The following CFAP54 variants were observed in gnomAD, a reference collection of about 807,000 sequenced individuals.
CFAP54 encodes the protein cilia- and flagella-associated protein 54.
A neutral mutation model predicts 370.4 loss-of-function variants in CFAP54; 290 were observed. The ratio of observed to expected loss-of-function variants is 0.78; its 90% CI spans 0.71 to 0.86. The LOEUF is 0.86. Ranked by LOEUF, CFAP54 falls within the 40% of genes least tolerant of loss-of-function variation. CFAP54 has a pLI of 0.00. For synonymous variants in CFAP54, 1,206 were observed against 1,236.5 expected (o/e 0.98, Z 0.52); for missense variants, 3,399 against 3,528.7 (o/e 0.96, Z 0.93).
chr12:96,773,548 AC>A (rs2087461526), intron 60 of CFAP54, among the ~76,000 whole-genome samples: 1 of 152,230 alleles, frequency 6.6e-6, no homozygotes, highest in African/African-American at 2.4e-5. Context: ...GAGTGAACCA[AC>A]CTGGTATATG....
At chr12:96,567,668 C>G (rs1203909811) in intron 19 of CFAP54, among the ~76,000 whole-genome samples, 1 of 152,090 alleles carries the variant, frequency 6.6e-6, no homozygotes, top group Non-Finnish European at 1.5e-5. Context: ...GGTCTTACTA[C>G]TAATCTTGGG....
intron 60 of CFAP54, among the ~76,000 whole-genome samples, chr12:96,766,811 T>C (rs1958405859): frequency 1.3e-5 from 2 of 152,214 alleles, no homozygotes. Context: ...GTTTTCCCAG[T>C]TTTTAGGGCA....
intron 67 of CFAP54, among the ~76,000 whole-genome samples, 165 bp downstream of exon 67, chr12:96,861,117 A>T (rs1959868733): frequency 6.6e-6 from 1 of 152,226 alleles, no homozygotes; most frequent in South Asian, 2.1e-4. Context: ...GAATTAAATG[A>T]CGGTGCTGCT....
Position 96,765,071 on chromosome 12 carries a change from T to C in CFAP54, c.8140-6T>C. On this transcript the variant is annotated splice_region_variant and splice_polypyrimidine_tract_variant and intron_variant, in intron 59 of 67. Coordinates refer to ENST00000524981, the MANE Select transcript of CFAP54 (RefSeq NM_001306084.2). Reference sequence around the variant, plus strand: ...TTTATAATTCTAATTTATGCATTAATTGTAGGTCAGTGAAGCTGTGCTGGC... The same window carrying C: ...TTTATAATTCTAATTTATGCATTAACTGTAGGTCAGTGAAGCTGTGCTGGC... 7.0e-7 allele frequency: 1 copy of C among 1,426,234 alleles called. No homozygotes were observed. The highest frequency in any genetic ancestry group is 9.4e-7 in the Non-Finnish European group (1 of 1,069,328). The allele number at this position is 1,426,234 out of a possible 1,614,324, so 88.3% of individuals were successfully genotyped here.
At chr12:96,714,820 G>T (rs928896572) in intron 48 of CFAP54, among the ~76,000 whole-genome samples, 2 of 151,864 alleles carry the variant, frequency 1.3e-5, no homozygotes, top group Admixed American at 1.3e-4. Context: ...TTTTTGTTTT[G>T]ATGGGAATCA....
intron 33 of CFAP54, chr12:96,646,192 A>G (rs962869093): frequency 1.2e-4 from 18 of 152,352 alleles, no homozygotes; most frequent in African/African-American, 3.6e-4. Flanking sequence ...AAATTTTTGC[A>G]ATCTACTCAT....
chr12:96,568,357 A>G (rs1955882565), intron 19 of CFAP54, among the ~76,000 whole-genome samples: 1 of 152,068 alleles, frequency 6.6e-6, no homozygotes, highest in South Asian at 2.1e-4. Context: ...AAGAGGCTCT[A>G]TTTTTTATGA....
Position 96,523,855 on chromosome 12 carries a change from T to C in CFAP54, c.1158+1666T>C, listed in dbSNP as rs140423893. On this transcript the variant is annotated intron_variant, in intron 8 of 67. Coordinates refer to ENST00000524981, the MANE Select transcript of CFAP54 (RefSeq NM_001306084.2). ...AAATGTTTAAAATTCCAGATAAAAT[T>C]ACATTAAAAACTAATTTGTATCTGA... Among the ~76,000 whole-genome samples, 501 of 152,210 alleles carry C rather than the reference T, an allele frequency of 3.3e-3. 5 individuals carry two copies. The South Asian group carries it at 0.038, about 12-fold the overall frequency.
rs747184239 is a variant in CFAP54, at chr12:96,755,262, CG to C, written c.7841-1195del. Among the ~76,000 whole-genome samples, 17 of 152,108 alleles carry C rather than the reference CG, an allele frequency of 1.1e-4. No homozygotes were observed. The East Asian group carries it at 1.5e-3, about 14-fold the overall frequency. On this transcript the variant is annotated intron_variant, in intron 56 of 67. Transcript: ENST00000524981. ...TATATATTTATGGGGTATAGTGTGA[CG>C]TTTTTGATACATGTATATATTGTGG...
chr12:96,499,405 G>A (rs181000269), intron 1 of CFAP54, among the ~76,000 whole-genome samples: 2 of 152,222 alleles, frequency 1.3e-5, no homozygotes, highest in African/African-American at 4.8e-5. Context: ...GCAAATTAAA[G>A]CAACAATAAG....
At chr12:96,699,025 T>TA (rs1957464234) in intron 45 of CFAP54, among the ~76,000 whole-genome samples, 1 of 152,132 alleles carries the variant, frequency 6.6e-6, no homozygotes, top group South Asian at 2.1e-4. Context: ...AATGAAGTGG[T>TA]AGCCCACAAT....
intron 67 of CFAP54, among the ~76,000 whole-genome samples, chr12:96,874,262 G>T (rs1003729925): frequency 1.3e-5 from 2 of 152,172 alleles, no homozygotes; most frequent in African/African-American, 4.8e-5. Context: ...AATTCCACAG[G>T]ATGGTATTTC....
chr12:96,740,403 C>T (rs764842503), intron 51 of CFAP54, among the ~76,000 whole-genome samples: 5 of 152,336 alleles, frequency 3.3e-5, no homozygotes, highest in East Asian at 3.9e-4. Context: ...CTCCTCATTC[C>T]GCTTTTGAAT....
At chr12:96,701,773 G>A (rs570967319) in intron 46 of CFAP54, among the ~76,000 whole-genome samples, 1 of 151,068 alleles carries the variant, frequency 6.6e-6, no homozygotes, top group South Asian at 2.1e-4. Context: ...GCTGCAATGA[G>A]GAGGAGGAGG....
intron 67 of CFAP54, among the ~76,000 whole-genome samples, chr12:96,872,575 A>G (rs902832088): frequency 2.6e-5 from 4 of 152,244 alleles, no homozygotes; most frequent in Admixed American, 6.5e-5. Context: ...TATAATGATG[A>G]AAGCATCATT....
At chr12:96,667,359 C>T (rs1298581861) in intron 39 of CFAP54, among the ~76,000 whole-genome samples, 1 of 152,224 alleles carries the variant, frequency 6.6e-6, no homozygotes, top group Non-Finnish European at 1.5e-5. Flanking sequence ...CAGAGGTTCT[C>T]CATGAGGGAC....
At chr12:96,588,018 A>G (rs759637258) in intron 22 of CFAP54, among the ~76,000 whole-genome samples, 3 of 152,210 alleles carry the variant, frequency 2.0e-5, no homozygotes, top group Admixed American at 1.3e-4. Context: ...TGAAGAATAA[A>G]TACAGCAATG....
At chr12:96,532,510 C>T (rs901601754) in intron 9 of CFAP54, among the ~76,000 whole-genome samples, 1 of 152,180 alleles carries the variant, frequency 6.6e-6, no homozygotes, top group African/African-American at 2.4e-5. Context: ...CAAATTTACC[C>T]TCATGCATAT....
Position 96,737,810 on chromosome 12 carries a change from A to C in CFAP54, c.6966-2146A>C, listed in dbSNP as rs989909835. Among the ~76,000 whole-genome samples the C allele has an allele frequency of 6.0e-5, 9 of 151,248 alleles. No homozygotes were observed. In the East Asian group the frequency reaches 1.7e-3, roughly 29 times the overall value. ...AAAATATAGATCAATAGACCTGTATAGAAATGTAATTTAAACACTGAGCAT... is the reference window on the plus strand; with the variant it reads ...AAAATATAGATCAATAGACCTGTATCGAAATGTAATTTAAACACTGAGCAT... On this transcript the variant is annotated intron_variant, in intron 50 of 67. Transcript: ENST00000524981.
Sources: gnomAD v4.1 joint callset for allele counts (sites outside exome capture counted in the v4.1 genomes callset) on GRCh38, gnomAD v4.1.1 for gene constraint, MANE v1.5 for transcripts, NCBI Gene and HGNC (gene_info 2026-07-23, HGNC 2026-07-21) for gene names.